The following PRKN variants were observed in gnomAD, a reference collection of about 807,000 sequenced individuals.
PRKN encodes E3 ubiquitin-protein ligase parkin.
In PRKN, 56 loss-of-function variants were observed where a neutral mutation model predicts 59.5. That is an observed-to-expected ratio of 0.94 (90% CI 0.76 to 1.18). PRKN has a LOEUF of 1.18. Among genes scored for constraint, PRKN ranks in the 50% most tolerant of loss-of-function variants. The probability of loss-of-function intolerance (pLI) is 0.00; values close to 1 mark genes in which losing one functional copy is unlikely to be tolerated. For synonymous variants in PRKN, 250 were observed against 222.1 expected (o/e 1.13, Z -1.12); for missense variants, 657 against 596.4 (o/e 1.10, Z -1.06).
intron 1 of PRKN, among the ~76,000 whole-genome samples, chr6:162,658,658 C>CAAAAAAAAAAAAAA (rs57853171): frequency 9.2e-6 from 1 of 109,108 alleles, no homozygotes; most frequent in Non-Finnish European, 1.9e-5. Flanking sequence ...GAGACTCTGT[C>CAAAAAAAAAAAAAA]AAAAAAAAAA....
At chr6:161,534,516 C>T (rs1779340927) in intron 9 of PRKN, among the ~76,000 whole-genome samples, 2 of 152,216 alleles carry the variant, frequency 1.3e-5, no homozygotes, top group South Asian at 4.1e-4. Flanking sequence ...CAATGTGATA[C>T]ACGTGACTAT....
At position 161,584,509 on chromosome 6, in the gene PRKN, T is replaced by C. The variant is rs771651523; in HGVS notation, c.872-15093A>G. Among the ~76,000 whole-genome samples, 5 of 152,248 alleles carry C rather than the reference T, an allele frequency of 3.3e-5. No homozygotes were observed. Among genetic ancestry groups the C allele is most frequent in the Non-Finnish European group, 7.3e-5 (5 of 68,042 alleles). On this transcript the variant is annotated intron_variant, in intron 7 of 11. Coordinates refer to ENST00000366898, the MANE Select transcript of PRKN (RefSeq NM_004562.3). The surrounding 1 kb of genome is among the most constrained non-coding windows in gnomAD (Gnocchi z 4.8). The stretch of plus-strand genomic sequence containing the variant: ...GGGAAAAAACCTTATGGCTGGCCTG[T>C]TATTAGAAGAAAATCTTTTAACATA...
chr6:161,702,553 A>C (rs1028481096), intron 7 of PRKN, among the ~76,000 whole-genome samples: 3 of 151,792 alleles, frequency 2.0e-5, no homozygotes, highest in African/African-American at 7.3e-5. Flanking sequence ...GGGGGAGGAG[A>C]GGGGAATTGG....
At position 161,836,047 on chromosome 6, in the gene PRKN, A is replaced by G. The variant is rs548623193; in HGVS notation, c.735-50139T>C. 9.9e-4 allele frequency among the ~76,000 whole-genome samples: 150 copies of G among 152,146 alleles called. 9 individuals are homozygous for G. The South Asian group carries it at 0.03, about 31-fold the overall frequency. ...GAAAGATGACAGGCTTTTTTCTTTA[A>G]AAAGGGGGTGGCCCCTAAATAGCTT... On this transcript the variant is annotated intron_variant, in intron 6 of 11. Transcript: ENST00000366898.
At chr6:162,364,352 G>A (rs1001978785) in intron 2 of PRKN, among the ~76,000 whole-genome samples, 3 of 152,066 alleles carry the variant, frequency 2.0e-5, no homozygotes, top group Non-Finnish European at 2.9e-5. Flanking sequence ...TTTTTGAGTT[G>A]TCATCAGTGT....
chr6:162,593,800 A>C (rs970935187), intron 1 of PRKN, among the ~76,000 whole-genome samples: 2 of 152,168 alleles, frequency 1.3e-5, no homozygotes, highest in South Asian at 2.1e-4. Context: ...AAAAAGGCTA[A>C]TGTCGCTTTT....
At chr6:162,427,651 T>G (rs1562757051) in intron 2 of PRKN, among the ~76,000 whole-genome samples, 1 of 149,632 alleles carries the variant, frequency 6.7e-6, no homozygotes, top group East Asian at 1.9e-4. Context: ...AATGTTTTTT[T>G]TTCTTTTTTT....
intron 6 of PRKN, among the ~76,000 whole-genome samples, chr6:161,941,973 T>C (rs975810566): frequency 6.6e-6 from 1 of 152,198 alleles, no homozygotes; most frequent in African/African-American, 2.4e-5. Context: ...AAGTTTTCAG[T>C]TAAAACTTTT....
At chr6:162,424,743 A>C (rs1003357735) in intron 2 of PRKN, among the ~76,000 whole-genome samples, 1 of 151,672 alleles carries the variant, frequency 6.6e-6, no homozygotes, top group Non-Finnish European at 1.5e-5. Flanking sequence ...TCAAAGAAAA[A>C]AAAAAAAAAG....
intron 1 of PRKN, among the ~76,000 whole-genome samples, chr6:162,660,604 A>G (rs1361528759): frequency 6.6e-6 from 1 of 152,090 alleles, no homozygotes; most frequent in Non-Finnish European, 1.5e-5. Flanking sequence ...TTTGCATTCT[A>G]ATTATTTATC....
At chr6:162,611,839 CTTAG>C (rs1190639805) in intron 1 of PRKN, among the ~76,000 whole-genome samples, 2 of 152,064 alleles carry the variant, frequency 1.3e-5, no homozygotes, top group African/African-American at 2.4e-5. Flanking sequence ...GAAAAAGATA[CTTAG>C]TTATGACAAG....
intron 2 of PRKN, among the ~76,000 whole-genome samples, chr6:162,300,506 T>A (rs1221653491): frequency 1.3e-5 from 2 of 152,168 alleles, no homozygotes; most frequent in Admixed American, 6.6e-5. Context: ...GCGTTTTTTT[T>A]TTCTTTTTAT....
In PRKN at chr6:161,410,833, G is replaced by A. The variant is rs531982601; in HGVS notation, c.1084-23956C>T. On this transcript the variant is annotated intron_variant, in intron 9 of 11. Transcript: ENST00000366898. The surrounding 1 kb of genome is among the most constrained non-coding windows in gnomAD (Gnocchi z 5.3). ...GGGCAGAACGTTGAATCCTCAGAAT[G>A]ATATGGGATTCCTTAAAACCAAGCA... 1.3e-5 allele frequency among the ~76,000 whole-genome samples: 2 copies of A among 152,154 alleles called. No homozygotes were observed. The highest frequency in any genetic ancestry group is 4.8e-5 in the African/African-American group (2 of 41,486).
At chr6:161,609,794 G>A (rs1782421317) in intron 7 of PRKN, among the ~76,000 whole-genome samples, 1 of 152,162 alleles carries the variant, frequency 6.6e-6, no homozygotes, top group African/African-American at 2.4e-5. Context: ...TTGGGGAGTC[G>A]CAGTGCCTGG....
At chr6:162,374,379 G>A (rs753613525) in intron 2 of PRKN, among the ~76,000 whole-genome samples, 21 of 143,420 alleles carry the variant, frequency 1.5e-4, no homozygotes, top group Non-Finnish European at 2.1e-4. Flanking sequence ...GATAAAACCT[G>A]GTCTGCTATA....
Position 161,357,732 on chromosome 6 carries a change from T to C in PRKN, c.1285+2356A>G, listed in dbSNP as rs1784815996. Among the ~76,000 whole-genome samples the C allele has an allele frequency of 6.6e-6, 1 of 152,220 alleles. No homozygotes were observed. Among genetic ancestry groups the C allele is most frequent in the African/African-American group, 2.4e-5 (1 of 41,456 alleles). On this transcript the variant is annotated intron_variant, in intron 11 of 11. Transcript: ENST00000366898. This position sits in a 1 kb window ranked among gnomAD's most constrained non-coding sequence, Gnocchi z 5.5. ...ACACACATTTGTTTCAAAACAGACA[T>C]ATGTGCCACTTGCTTTGAAATTCTG...
chr6:161,573,034 G>A (rs1177263122), intron 7 of PRKN, among the ~76,000 whole-genome samples: 1 of 152,206 alleles, frequency 6.6e-6, no homozygotes, highest in African/African-American at 2.4e-5. Context: ...TTCCTGAAAT[G>A]AGTGAGAAAA....
chr6:162,392,901 A>G (rs1425389312), intron 2 of PRKN, among the ~76,000 whole-genome samples: 1 of 152,012 alleles, frequency 6.6e-6, no homozygotes, highest in Non-Finnish European at 1.5e-5. Flanking sequence ...TTTGGCTTCA[A>G]AGACCAGGAG....
chr6:161,374,587 G>A (rs1369744152), intron 10 of PRKN, among the ~76,000 whole-genome samples: 3 of 1,248 alleles, frequency 2.4e-3, no homozygotes, highest in Admixed American at 0.011. Flanking sequence ...GGTGTGTGGT[G>A]CATGTGTGTG....
Sources: allele counts gnomAD v4.1 joint callset (sites outside exome capture counted in the v4.1 genomes callset), GRCh38; gene constraint gnomAD v4.1.1; non-coding constraint Gnocchi (gnomAD v3.1); transcripts MANE v1.5; gene names NCBI Gene and HGNC (gene_info 2026-07-23, HGNC 2026-07-21).